Variants in NECTIN4 observed in about 807,000 individuals in gnomAD.
The protein encoded by NECTIN4 is nectin-4.
A neutral mutation model predicts 51.7 loss-of-function variants in NECTIN4; 19 were observed. The ratio of observed to expected loss-of-function variants is 0.37; its 90% CI spans 0.26 to 0.54. NECTIN4 has a LOEUF of 0.54. Among genes scored for constraint, NECTIN4 ranks in the 20% least tolerant of loss-of-function variants. The pLI is 0.86. For synonymous variants in NECTIN4, 283 were observed against 286.9 expected (o/e 0.99, Z 0.14); for missense variants, 619 against 662.4 (o/e 0.93, Z 0.72).
intron 1 of NECTIN4, among the ~76,000 whole-genome samples, chr1:161,085,877 A>T (rs1215910246): frequency 6.6e-6 from 1 of 151,664 alleles, no homozygotes; most frequent in Non-Finnish European, 1.5e-5. Context: ...TAGAGACGGG[A>T]TTTTGCCGTG....
intron 1 of NECTIN4, chr1:161,087,141 A>T (rs559942345): frequency 6.6e-6 from 1 of 152,378 alleles, no homozygotes; most frequent in African/African-American, 2.4e-5. Context: ...GACATGAAAC[A>T]TTCCAGGTTC....
chr1:161,086,440 G>A (rs1393676789), intron 1 of NECTIN4, among the ~76,000 whole-genome samples: 2 of 152,180 alleles, frequency 1.3e-5, no homozygotes, highest in African/African-American at 4.8e-5. Flanking sequence ...GAAAAGTAAG[G>A]ATGGGCCCCT....
chr1:161,075,486 C>G (rs1386105105), intron 4 of NECTIN4, among the ~76,000 whole-genome samples: 1 of 152,180 alleles, frequency 6.6e-6, no homozygotes, highest in Admixed American at 6.5e-5. Flanking sequence ...AAAAGTTAGA[C>G]AAGGCCGGGC....
chr1:161,074,822 T>G, intron 4 of NECTIN4, 63 bp from the exon 5 acceptor site: 1 of 1,557,524 alleles, frequency 6.4e-7, no homozygotes, highest in Admixed American at 1.8e-5. Flanking sequence ...CCACCCAACG[T>G]GTCCAGACAG....
At chr1:161,080,039 C>A (rs1053503759) in intron 1 of NECTIN4, 90 bp from the exon 2 acceptor site, 1 of 1,466,960 alleles carries the variant, frequency 6.8e-7, no homozygotes, top group Non-Finnish European at 9.1e-7. Context: ...CAAAGGTGAC[C>A]GGAACTCCTG....
Position 161,074,752 on chromosome 1 carries a change from C to T in NECTIN4, c.859G>A (p.Gly287Arg). ...PPSYNWTRLD[G>R]PLPSGVRVDG... ...ACTCGTACCCCACTGGGCAGAGGCCCATCCAGCCTGGAAGACAGGGAAGCT... is the reference window on the plus strand; with the variant it reads ...ACTCGTACCCCACTGGGCAGAGGCCTATCCAGCCTGGAAGACAGGGAAGCT... The change falls in exon 5 of 9, where the codon GGG (glycine) becomes AGG (arginine). Residue 287 changes from glycine (G) to arginine (R), a missense_variant. Physicochemically the swap from Gly to Arg is moderately radical, Grantham distance 125 (BLOSUM62 -2). This residue lies in a region of NECTIN4 where 364 missense variants were observed against 415.7 expected (regional missense o/e 0.88). Transcript: ENST00000368012. 6.2e-7 allele frequency: 1 copy of T among 1,613,464 alleles called. No individual in the cohort carries two copies. Among genetic ancestry groups the T allele is most frequent in the Non-Finnish European group, 8.5e-7 (1 of 1,179,940 alleles).
At chr1:161,075,736 C>A (rs1653386445) in intron 4 of NECTIN4, among the ~76,000 whole-genome samples, 1 of 151,632 alleles carries the variant, frequency 6.6e-6, no homozygotes, top group East Asian at 1.9e-4. Flanking sequence ...CGCACCACTG[C>A]ACTCCAGCCT....
intron 1 of NECTIN4, among the ~76,000 whole-genome samples, chr1:161,083,931 G>A (rs1014126853): frequency 2.0e-5 from 3 of 152,206 alleles, no homozygotes; most frequent in East Asian, 1.9e-4. Context: ...ACTGAGGCTG[G>A]CACTTGCTGA....
At chr1:161,075,798 C>A (rs1273564759) in intron 4 of NECTIN4, among the ~76,000 whole-genome samples, 1 of 151,566 alleles carries the variant, frequency 6.6e-6, no homozygotes, top group Admixed American at 6.6e-5. Context: ...AAGACAAGGG[C>A]TGGGCGTGGT....
intron 4 of NECTIN4, among the ~76,000 whole-genome samples, chr1:161,074,980 T>A (rs997572004): frequency 2.0e-5 from 3 of 152,296 alleles, no homozygotes; most frequent in African/African-American, 7.2e-5. Flanking sequence ...CCGGGGAAGA[T>A]CCACACGTGT....
intron 7 of NECTIN4, 41 bp downstream of exon 7, chr1:161,073,679 G>A (rs763949420): frequency 5.2e-6 from 8 of 1,548,320 alleles, no homozygotes; most frequent in Middle Eastern, 1.7e-4. Context: ...ACCCCAATGC[G>A]ACCACACCCC....
intron 2 of NECTIN4, among the ~76,000 whole-genome samples, chr1:161,078,969 G>A (rs1271376539): frequency 2.0e-5 from 3 of 152,060 alleles, no homozygotes; most frequent in Non-Finnish European, 4.4e-5. Context: ...CCGAGATCGC[G>A]CCAATGCACT....
chr1:161,073,350 T>A, intron 7 of NECTIN4, 51 bp from the exon 8 acceptor site: 1 of 1,492,732 alleles, frequency 6.7e-7, no homozygotes. Context: ...CCTCCTCCCC[T>A]CAGCCTCTTC....
At chr1:161,088,145 CTCCACCAA>C (rs1654031457) in intron 1 of NECTIN4, among the ~76,000 whole-genome samples, 1 of 152,160 alleles carries the variant, frequency 6.6e-6, no homozygotes, top group African/African-American at 2.4e-5. Flanking sequence ...CAGCCCATAC[CTCCACCAA>C]TCCACACATC....
Position 161,089,178 on chromosome 1 carries a change from G to C in NECTIN4, c.79+40C>G. On this transcript the variant is annotated intron_variant, in intron 1 of 8. Transcript: ENST00000368012. This position sits in a 1 kb window ranked among gnomAD's most constrained non-coding sequence, Gnocchi z 4.1. ...TGCATGTGTGTCAGTGCCAGGTTGG[G>C]CTCAGAAGCAAGTGTCCTGATGGTT... The C allele has an allele frequency of 1.3e-6, 2 of 1,591,032 alleles. No individual in the cohort carries two copies. The highest frequency in any genetic ancestry group is 1.7e-6 in the Non-Finnish European group (2 of 1,160,196).
At chr1:161,078,827 C>T (rs1442197891) in intron 2 of NECTIN4, among the ~76,000 whole-genome samples, 1 of 151,694 alleles carries the variant, frequency 6.6e-6, no homozygotes, top group Non-Finnish European at 1.5e-5. Flanking sequence ...CTGGCTAACA[C>T]GGTGAAACCT....
chr1:161,080,125 G>T (rs1653613016), intron 1 of NECTIN4, among the ~76,000 whole-genome samples, 176 bp from the exon 2 acceptor site: 2 of 152,212 alleles, frequency 1.3e-5, no homozygotes, highest in South Asian at 4.1e-4. Flanking sequence ...AGAGGTAGGC[G>T]TTATTATCAC....
At chr1:161,085,697 CTTTT>C (rs397798727) in intron 1 of NECTIN4, among the ~76,000 whole-genome samples, 8 of 133,882 alleles carry the variant, frequency 6.0e-5, no homozygotes, top group South Asian at 2.4e-4. Flanking sequence ...TTCGCCTCCT[CTTTT>C]TTTTTTTTTT....
Position 161,074,233 on chromosome 1 carries a change from G to C in NECTIN4, c.1141C>G (p.Gln381Glu), listed in dbSNP as rs780202697. 4 of 1,614,064 alleles carry C rather than the reference G, an allele frequency of 2.5e-6. No homozygotes were observed. Among genetic ancestry groups the C allele is most frequent in the South Asian group, 2.2e-5 (2 of 91,072 alleles). Residue 381 changes from glutamine to glutamate, a missense_variant, in exon 6 of 9, where the codon CAG becomes GAG. This residue lies in a region of NECTIN4 where 364 missense variants were observed against 415.7 expected (regional missense o/e 0.88). Coordinates refer to ENST00000368012, the MANE Select transcript of NECTIN4 (RefSeq NM_030916.3). Reference sequence around the variant, plus strand: ...AGTACTCACTATTTCTGGGTCATCTGCTGGGCCTTGCGCCGATGGTATCGG... The same window carrying C: ...AGTACTCACTATTTCTGGGTCATCTCCTGGGCCTTGCGCCGATGGTATCGG... Reference protein sequence around the residue: ...MSRYHRRKAQQMTQKYEEELT... With the variant: ...MSRYHRRKAQEMTQKYEEELT...
Sources: allele counts gnomAD v4.1 joint callset (sites outside exome capture counted in the v4.1 genomes callset), GRCh38; gene constraint gnomAD v4.1.1; regional missense constraint gnomAD v4.1.1; non-coding constraint Gnocchi (gnomAD v3.1); transcripts MANE v1.5; gene names NCBI Gene and HGNC (gene_info 2026-07-23, HGNC 2026-07-21).